NIPSNAP2: variants seen among roughly 807,000 people sequenced by gnomAD.
NIPSNAP2 encodes the protein protein NipSnap homolog 2.
In NIPSNAP2, 42 loss-of-function variants were observed where a neutral mutation model predicts 48.4. The observed-to-expected ratio is 0.87, with a 90% CI of 0.68 to 1.12. The LOEUF is 1.12. Among genes scored for constraint, NIPSNAP2 ranks in the 50% most tolerant of loss-of-function variants. The pLI is 0.00. For synonymous variants in NIPSNAP2, 158 were observed against 126.6 expected (o/e 1.25, Z -1.67); for missense variants, 314 against 347.3 (o/e 0.90, Z 0.76).
rs371552383 is a variant in NIPSNAP2 at position 55,995,028 on chromosome 7, G to A, written c.712+40G>A. 134 of 1,519,944 alleles carry A rather than the reference G, an allele frequency of 8.8e-5. No individual in the cohort carries two copies. In the African/African-American group the frequency reaches 1.7e-3, roughly 19 times the overall value. The allele number at this position is 1,519,944 out of a possible 1,614,324, so 94.2% of individuals were successfully genotyped here. ...CTTTTCGAGTTACTGGGATTTAAGAGTTCATTACTAAGTTGTACTGGGAAG... is the reference window on the plus strand; with the variant it reads ...CTTTTCGAGTTACTGGGATTTAAGAATTCATTACTAAGTTGTACTGGGAAG... On this transcript the variant is annotated intron_variant, in intron 8 of 9. Coordinates refer to ENST00000322090, the MANE Select transcript of NIPSNAP2 (RefSeq NM_001483.3).
At chr7:55,976,839 A>C (rs1023607722) in intron 1 of NIPSNAP2, among the ~76,000 whole-genome samples, 5 of 152,146 alleles carry the variant, frequency 3.3e-5, no homozygotes, top group African/African-American at 1.2e-4. Context: ...AGTGAACTAC[A>C]GTGAGCTATC....
chr7:55,970,530 T>C (rs1366332798), intron 1 of NIPSNAP2, among the ~76,000 whole-genome samples: 1 of 152,058 alleles, frequency 6.6e-6, no homozygotes, highest in Non-Finnish European at 1.5e-5. Context: ...CAGGCTGGTC[T>C]TGAATTCCTG....
At chr7:55,981,977 T>C (rs1162897848) in intron 4 of NIPSNAP2, 12 of 346,716 alleles carry the variant, frequency 3.5e-5, no homozygotes, top group Non-Finnish European at 6.5e-5. Context: ...CAGGTAATTT[T>C]TGTATTTTTA....
At chr7:55,995,340 A>AT (rs1284054429) in intron 8 of NIPSNAP2, among the ~76,000 whole-genome samples, 2 of 152,116 alleles carry the variant, frequency 1.3e-5, no homozygotes, top group Non-Finnish European at 2.9e-5. Flanking sequence ...GCAGGCCTGC[A>AT]TTTTACCCAG....
chr7:55,998,493 GTTTTTTTTTTT>G (rs1164855630), intron 9 of NIPSNAP2, among the ~76,000 whole-genome samples: 88 of 63,198 alleles, frequency 1.4e-3, no homozygotes, highest in Admixed American at 0.012. Context: ...GGTAGGATCT[GTTTTTTTTTTT>G]TTTTTTTTTT....
At chr7:55,997,485 C>T (rs1787586184) in intron 9 of NIPSNAP2, 36 bp downstream of exon 9, 3 of 1,486,310 alleles carry the variant, frequency 2.0e-6, no homozygotes, top group African/African-American at 1.4e-5. Context: ...TGCTTTTTGT[C>T]TTACTGTTTC....
intron 8 of NIPSNAP2, among the ~76,000 whole-genome samples, chr7:55,995,409 C>T (rs1456782927): frequency 6.6e-6 from 1 of 152,178 alleles, no homozygotes; most frequent in Non-Finnish European, 1.5e-5. Flanking sequence ...TCCACTGTCT[C>T]ATGACATTGA....
Position 55,964,632 on chromosome 7 carries a change from C to T in NIPSNAP2, c.23C>T (p.Ala8Val), listed in dbSNP as rs923735784. 1 of 1,066,522 alleles carries T rather than the reference C, an allele frequency of 9.4e-7. No homozygotes were observed. Among genetic ancestry groups the T allele is most frequent in the Non-Finnish European group, 1.1e-6 (1 of 883,800 alleles). The allele number at this position is 1,066,522 out of a possible 1,614,324, so 66.1% of individuals were successfully genotyped here. A position where few individuals can be genotyped will look rare whatever the true frequency, so the allele number is the denominator to read the frequency against. Residue 8 changes from alanine to valine, a missense_variant, in exon 1 of 10, where the codon GCC becomes GTC. This residue lies in a region of NIPSNAP2 where 198 missense variants were observed against 185.5 expected (regional missense o/e 1.07). Coordinates refer to ENST00000322090, the MANE Select transcript of NIPSNAP2 (RefSeq NM_001483.3). MAARVLRARGAAWAGGLL... is the reference protein window; with the variant it reads MAARVLRVRGAAWAGGLL... ...AAGATGGCGGCGCGAGTGCTGCGCG[C>T]CCGCGGAGCGGCCTGGGCCGGCGGC...
chr7:55,983,707 G>A (rs1447811056), intron 5 of NIPSNAP2, 21 bp from the exon 6 acceptor site: 8 of 1,612,724 alleles, frequency 5.0e-6, no homozygotes, highest in Non-Finnish European at 6.8e-6. Flanking sequence ...GATTTCATGA[G>A]CACATTTTTT....
chr7:55,990,235 T>C (rs996084829), intron 7 of NIPSNAP2, among the ~76,000 whole-genome samples: 7 of 150,278 alleles, frequency 4.7e-5, no homozygotes, highest in Non-Finnish European at 1.0e-4. Context: ...TCTTTTCTTT[T>C]TTTTTTTTTT....
chr7:55,991,853 C>T (rs773250151), intron 7 of NIPSNAP2: 3 of 254,726 alleles, frequency 1.2e-5, no homozygotes, highest in Non-Finnish European at 1.6e-5. Flanking sequence ...ACCACCTCGT[C>T]TGTACAGGCT....
chr7:55,986,536 C>T (rs1374874074), intron 7 of NIPSNAP2, among the ~76,000 whole-genome samples: 2 of 151,858 alleles, frequency 1.3e-5, no homozygotes, highest in African/African-American at 2.4e-5. Flanking sequence ...GCGGTGTGCA[C>T]CTGTAGTTCC....
intron 1 of NIPSNAP2, 74 bp from the exon 2 acceptor site, chr7:55,978,052 A>G (rs1477464585): frequency 6.5e-7 from 1 of 1,541,318 alleles, no homozygotes; most frequent in East Asian, 2.3e-5. Context: ...ATAGCTGCTC[A>G]CTGTGTTTGC....
rs555316736 is a variant in NIPSNAP2, at chr7:55,990,500, G to T, written c.618-4394G>T. 6.4e-4 allele frequency among the ~76,000 whole-genome samples: 97 copies of T among 152,216 alleles called. 1 individual carries two copies. The highest frequency in any genetic ancestry group is 2.2e-3 in the African/African-American group (91 of 41,566). On this transcript the variant is annotated intron_variant, in intron 7 of 9. Coordinates refer to ENST00000322090, the MANE Select transcript of NIPSNAP2 (RefSeq NM_001483.3). ...CCTGCCTCGGCCTCCCGAAGTGCTG[G>T]GATTACAGGCATGAGCCACCGTGCC...
rs1430938380 is a variant in NIPSNAP2 at position 55,981,223 on chromosome 7, C to CA, written c.279-249dup. ...GGGACCTTTGGTTTTTCTTTATCAT[C>CA]ATTATACTGATTGAACAACTCTTCT... On this transcript the variant is annotated intron_variant, in intron 3 of 9. Coordinates refer to ENST00000322090, the MANE Select transcript of NIPSNAP2 (RefSeq NM_001483.3). 19 of 273,228 alleles carry CA rather than the reference C, an allele frequency of 7.0e-5. No individual in the cohort carries two copies. In the East Asian group the frequency reaches 1.4e-3, roughly 20 times the overall value. 16.9% of individuals were successfully genotyped at this position (273,228 alleles called of 1,614,324 possible).
At chr7:55,978,016 G>C in intron 1 of NIPSNAP2, 110 bp from the exon 2 acceptor site, 1 of 1,223,288 alleles carries the variant, frequency 8.2e-7, no homozygotes, top group Non-Finnish European at 1.1e-6. Context: ...TTCTTTGGTA[G>C]CCCAGGTTCT....
chr7:55,994,932 C>G lies in NIPSNAP2; in HGVS notation c.656C>G (p.Ala219Gly). 2 of 1,614,164 alleles carry G rather than the reference C, an allele frequency of 1.2e-6. No homozygotes were observed. Among genetic ancestry groups the G allele is most frequent in the Non-Finnish European group, 1.7e-6 (2 of 1,180,028 alleles). Residue 219 changes from alanine (A) to glycine (G), a missense_variant, in exon 8 of 10, where the codon GCC (alanine) becomes GGC (glycine). Physicochemically the swap from Ala to Gly is moderately conservative, Grantham distance 60. Around this residue, in one of 2 missense-constraint regions of NIPSNAP2, gnomAD observed 116 missense variants for 161.8 expected, o/e 0.72. Coordinates refer to ENST00000322090, the MANE Select transcript of NIPSNAP2 (RefSeq NM_001483.3). ...AIRFRQDGNE[A>G]VGGFFSQIGQ... ...CGCTTCAGACAGGATGGTAACGAAG[C>G]CGTCGGAGGATTCTTCTCTCAGATT... is the stretch of plus-strand genomic sequence containing the variant.
At position 55,982,065 on chromosome 7, in the gene NIPSNAP2, C is replaced by T. The variant is rs1323089601; in HGVS notation, c.374-145C>T. ...CAAGTGATCCGCCTGTCTCAGCCTC[C>T]CAAAGTGCTGGGATTACAGGCATGA... On this transcript the variant is annotated intron_variant, in intron 4 of 9. Transcript: ENST00000322090. The T allele has an allele frequency of 6.2e-6, 3 of 480,528 alleles. No homozygotes were observed. In the Admixed American group the frequency reaches 1.0e-4, roughly 17 times the overall value. The allele number at this position is 480,528 out of a possible 1,614,324, so 29.8% of individuals were successfully genotyped here.
At chr7:55,974,264 AAAAG>A (rs139861103) in intron 1 of NIPSNAP2, among the ~76,000 whole-genome samples, 87 of 102,622 alleles carry the variant, frequency 8.5e-4, no homozygotes, top group Admixed American at 1.5e-3. Context: ...TAAGCAAAAA[AAAAG>A]AAAGAAAGAA....
Sources: allele counts gnomAD v4.1 joint callset (sites outside exome capture counted in the v4.1 genomes callset), GRCh38; gene constraint gnomAD v4.1.1; regional missense constraint gnomAD v4.1.1; transcripts MANE v1.5; gene names NCBI Gene and HGNC (gene_info 2026-07-23, HGNC 2026-07-21).